WDPCP: variants seen among roughly 807,000 people sequenced by gnomAD.
WDPCP encodes the protein WD repeat-containing and planar cell polarity effector protein fritz homolog.
In WDPCP, 71 loss-of-function variants were observed where a neutral mutation model predicts 93.1. The observed-to-expected ratio is 0.76, with a 90% CI of 0.63 to 0.93. The LOEUF (loss-of-function observed/expected upper bound fraction) is 0.93, where lower values mean the gene tolerates loss of function less well. Among genes scored for constraint, WDPCP ranks in the 40% least tolerant of loss-of-function variants. The pLI, the probability that WDPCP is intolerant of heterozygous loss-of-function variation, is 0.00. For synonymous variants in WDPCP, 315 were observed against 315.0 expected, an observed-to-expected ratio of 1.00 and a Z score of 0.00; for missense variants, 844 against 887.4, an observed-to-expected ratio of 0.95 and a Z score of 0.62.
intron 13 of WDPCP, among the ~76,000 whole-genome samples, chr2:63,297,617 A>G (rs773493533): frequency 2.6e-5 from 4 of 152,198 alleles, no homozygotes; most frequent in Non-Finnish European, 4.4e-5. Context: ...CACTGGATAG[A>G]AAGTTCTACC....
chr2:63,571,078 G>C (rs1707460213), intron 1 of WDPCP, among the ~76,000 whole-genome samples: 1 of 52,280 alleles, frequency 1.9e-5, no homozygotes, highest in Non-Finnish European at 3.0e-5. Context: ...CTAATTTTTG[G>C]TATTTTTTTT....
At chr2:63,751,658 C>T (rs1207864085) in intron 2 of WDPCP, 10 of 487,018 alleles carry the variant, frequency 2.1e-5, no homozygotes, top group African/African-American at 1.4e-4. Flanking sequence ...CTCTGGCTCT[C>T]TTCTCCTGCT....
At chr2:63,313,872 A>ATATATATATATATGTGTGTGTG (rs1686391070) in intron 12 of WDPCP, among the ~76,000 whole-genome samples, 1 of 101,604 alleles carries the variant, frequency 9.8e-6, no homozygotes, top group Admixed American at 1.1e-4. Flanking sequence ...ATATATATAT[A>ATATATATATATATGTGTGTGTG]TATATATATA....
chr2:63,513,714 C>G (rs530862463), intron 1 of WDPCP, among the ~76,000 whole-genome samples: 13 of 152,270 alleles, frequency 8.5e-5, no homozygotes, highest in Admixed American at 6.5e-4. Flanking sequence ...CACAGAGAGG[C>G]CAAGATAAAT....
chr2:63,826,652 C>G (rs1671117772), intron 1 of WDPCP, among the ~76,000 whole-genome samples: 1 of 151,986 alleles, frequency 6.6e-6, no homozygotes, highest in African/African-American at 2.4e-5. Flanking sequence ...CTTGCATAAC[C>G]AAAATAGAGA....
intron 15 of WDPCP, among the ~76,000 whole-genome samples, chr2:63,154,371 C>G (rs67528972): frequency 0.092 from 13,956 of 152,122 alleles, 871 homozygotes; most frequent in South Asian, 0.17. Context: ...ATAGTTTTGA[C>G]TTCACGAATG....
intron 13 of WDPCP, among the ~76,000 whole-genome samples, chr2:63,298,106 A>T (rs950685353): frequency 3.3e-5 from 5 of 152,264 alleles, no homozygotes; most frequent in African/African-American, 1.2e-4. Context: ...ACGGGACACA[A>T]CGCATACTGA....
chr2:63,517,642 G>A (rs1702637311), intron 1 of WDPCP, among the ~76,000 whole-genome samples: 1 of 152,110 alleles, frequency 6.6e-6, no homozygotes, highest in African/African-American at 2.4e-5. Flanking sequence ...AGTTCCCTAA[G>A]GCCTTAGGTT....
At chr2:63,720,257 T>C (rs977908444) in intron 2 of WDPCP, among the ~76,000 whole-genome samples, 10 of 151,448 alleles carry the variant, frequency 6.6e-5, no homozygotes, top group Non-Finnish European at 1.5e-4. Flanking sequence ...CTCTATAAGA[T>C]ACAAAAAAAT....
chr2:63,770,881 C>G (rs1179784106), intron 2 of WDPCP, among the ~76,000 whole-genome samples: 2 of 151,824 alleles, frequency 1.3e-5, no homozygotes, highest in Non-Finnish European at 2.9e-5. Flanking sequence ...AAAACGATGT[C>G]ACTCTTCCCA....
At chr2:63,605,332 C>T (rs745629346) in intron 3 of WDPCP, 4 of 1,614,188 alleles carry the variant, frequency 2.5e-6, no homozygotes, top group Non-Finnish European at 3.4e-6. Context: ...CTATCCAGTG[C>T]CATGTCTGCT....
chr2:63,123,394 G>A (rs1023824469), intron 17 of WDPCP, among the ~76,000 whole-genome samples: 18 of 152,134 alleles, frequency 1.2e-4, no homozygotes, highest in East Asian at 5.8e-4. Flanking sequence ...CTATCGTGTC[G>A]TTCAGCCATG....
rs1053474649 is a variant in WDPCP at position 63,237,924 on chromosome 2, A to C, written c.1915+21383T>G. On this transcript the variant is annotated intron_variant, in intron 14 of 17. Transcript: ENST00000272321. ...GGTCAATAGAAGCCGAAACCTCAGC[A>C]TTAGGCAATATACCCTTGTAACAAA... Among the ~76,000 whole-genome samples the C allele has an allele frequency of 2.6e-5, 4 of 152,114 alleles. No individual in the cohort carries two copies. The East Asian group carries it at 7.7e-4, about 29-fold the overall frequency.
At chr2:63,691,416 C>G (rs1028683465) in intron 2 of WDPCP, among the ~76,000 whole-genome samples, 1 of 152,166 alleles carries the variant, frequency 6.6e-6, no homozygotes, top group Non-Finnish European at 1.5e-5. Context: ...GGGCAGATCA[C>G]TTGAGGTCAG....
At chr2:63,394,315 C>A (rs1037958378) in intron 10 of WDPCP, among the ~76,000 whole-genome samples, 3 of 151,686 alleles carry the variant, frequency 2.0e-5, no homozygotes, top group South Asian at 2.1e-4. Flanking sequence ...CAGAGAAATG[C>A]AAATCAAAAC....
At chr2:63,173,864 T>G (rs903316968) in intron 15 of WDPCP, among the ~76,000 whole-genome samples, 1 of 152,224 alleles carries the variant, frequency 6.6e-6, no homozygotes, top group African/African-American at 2.4e-5. Flanking sequence ...TATATACGTA[T>G]TTTTTAATGT....
intron 12 of WDPCP, among the ~76,000 whole-genome samples, chr2:63,358,087 G>A (rs1167267500): frequency 1.3e-5 from 2 of 152,132 alleles, no homozygotes; most frequent in Non-Finnish European, 2.9e-5. Context: ...CTACTTGAGG[G>A]TGGAGGTGGG....
chr2:63,251,712 C>T (rs551590039), intron 14 of WDPCP, among the ~76,000 whole-genome samples: 53 of 151,748 alleles, frequency 3.5e-4, no homozygotes, highest in African/African-American at 1.2e-3. Flanking sequence ...AGGATGGTCT[C>T]GATCTCCTGA....
At chr2:63,530,615 T>A (rs1575591494) in intron 1 of WDPCP, among the ~76,000 whole-genome samples, 1 of 152,188 alleles carries the variant, frequency 6.6e-6, no homozygotes, top group East Asian at 1.9e-4. Flanking sequence ...GCTACTCTGT[T>A]ACTGTGAGTA....
Sources: gnomAD v4.1 joint callset for allele counts (sites outside exome capture counted in the v4.1 genomes callset) on GRCh38, gnomAD v4.1.1 for gene constraint, MANE v1.5 for transcripts, NCBI Gene and HGNC (gene_info 2026-07-23, HGNC 2026-07-21) for gene names.